The following SLC4A4 variants were observed in gnomAD, a reference collection of about 807,000 sequenced individuals.
SLC4A4 encodes electrogenic sodium bicarbonate cotransporter 1.
Under a neutral mutation model 111.5 loss-of-function variants are expected in SLC4A4, and 27 were observed. The observed-to-expected ratio is 0.24, with a 90% CI of 0.18 to 0.33. The LOEUF is 0.33. Ranked by LOEUF, SLC4A4 falls within the 10% of genes least tolerant of loss-of-function variation. The pLI is 1.00. For synonymous variants in SLC4A4, 443 were observed against 463.4 expected (o/e 0.96, Z 0.57); for missense variants, 909 against 1,315.5 (o/e 0.69, Z 4.78).
rs1737820775 is a variant in SLC4A4 at position 71,570,039 on chromosome 4, G to A, written c.*2288G>A. 2 of 151,442 alleles carry A rather than the reference G, an allele frequency of 1.3e-5. No homozygotes were observed. The highest frequency in any genetic ancestry group is 3.0e-5 in the Non-Finnish European group (2 of 67,718). The allele number at this position is 151,442 out of a possible 1,614,324, so 9.4% of individuals were successfully genotyped here. ...AAGAAGACTTTCCTTTTTTCTTTATGCATGGAAGCATCAATAAATTGTTTA... is the reference window on the plus strand; with the variant it reads ...AAGAAGACTTTCCTTTTTTCTTTATACATGGAAGCATCAATAAATTGTTTA... On this transcript the variant is annotated 3_prime_UTR_variant, in exon 26 of 26. Transcript: ENST00000264485.
At chr4:71,464,744 T>C (rs1469237351) in intron 12 of SLC4A4, among the ~76,000 whole-genome samples, 1 of 152,168 alleles carries the variant, frequency 6.6e-6, no homozygotes, top group East Asian at 1.9e-4. Context: ...GTTTTCTGAA[T>C]TGAATTCCAC....
At chr4:71,302,564 T>TG (rs944867089) in intron 3 of SLC4A4, among the ~76,000 whole-genome samples, 1 of 152,176 alleles carries the variant, frequency 6.6e-6, no homozygotes, top group African/African-American at 2.4e-5. Flanking sequence ...TTGAACCTAA[T>TG]GGGGTTGCCT....
chr4:71,184,910 G>GA (rs746471742), upstream of SLC4A4, among the ~76,000 whole-genome samples: 1 of 152,216 alleles, frequency 6.6e-6, no homozygotes, highest in Non-Finnish European at 1.5e-5. Flanking sequence ...ATCAAGTAAT[G>GA]AAAATGATAA....
At chr4:71,277,546 C>A (rs2149087679) in intron 3 of SLC4A4, among the ~76,000 whole-genome samples, 1 of 149,214 alleles carries the variant, frequency 6.7e-6, no homozygotes, top group Admixed American at 6.7e-5. Flanking sequence ...CTTTTTCTTT[C>A]TTTCTCTTTC....
chr4:71,348,764 T>C (rs1729557297), intron 4 of SLC4A4, among the ~76,000 whole-genome samples: 1 of 152,106 alleles, frequency 6.6e-6, no homozygotes, highest in Non-Finnish European at 1.5e-5. Context: ...TTTTTTCCCC[T>C]CCTCTGGGGG....
chr4:71,068,530 A>G (rs541127219), intron 1 of SLC4A4, among the ~76,000 whole-genome samples: 1 of 150,568 alleles, frequency 6.6e-6, no homozygotes, highest in East Asian at 1.9e-4. Flanking sequence ...ATCACCATAC[A>G]TTAGTTTTGT....
intron 16 of SLC4A4, among the ~76,000 whole-genome samples, chr4:71,498,370 A>G (rs1050975044): frequency 5.3e-5 from 8 of 152,156 alleles, no homozygotes; most frequent in Non-Finnish European, 1.5e-5. Context: ...TTGCCTGCAG[A>G]ATCAAACTAA....
intron 1 of SLC4A4, among the ~76,000 whole-genome samples, chr4:71,064,305 A>T (rs192621987): frequency 1.5e-4 from 23 of 152,306 alleles, no homozygotes; most frequent in Admixed American, 1.4e-3. Flanking sequence ...AAATGAGATA[A>T]TGTAGAAAAG....
At chr4:71,345,339 T>A (rs906178256) in intron 4 of SLC4A4, among the ~76,000 whole-genome samples, 22 of 152,132 alleles carry the variant, frequency 1.4e-4, no homozygotes, top group African/African-American at 5.3e-4. Context: ...CTTTATTCAT[T>A]TGAGTAGGGA....
At position 71,546,505 on chromosome 4, in the gene SLC4A4, A is replaced by G; in HGVS notation, c.2598A>G (p.Glu866=). ...KMETETSAPG[E]QPKFLGVREQ... ...AGACAGAGACTTCTGCACCTGGAGA[A>G]CAACCAAAGTTTCTAGGAGTGAGGT... The change falls in exon 19 of 26, where the codon GAA becomes GAG. Residue 866 remains glutamate (E), a synonymous_variant. Transcript: ENST00000264485. 1 of 1,612,492 alleles carries G rather than the reference A, an allele frequency of 6.2e-7. No individual in the cohort carries two copies. The highest frequency in any genetic ancestry group is 8.5e-7 in the Non-Finnish European group (1 of 1,178,984).
chr4:71,190,308 T>G (rs779112802), intron 1 of SLC4A4, among the ~76,000 whole-genome samples: 4 of 151,958 alleles, frequency 2.6e-5, no homozygotes, highest in Non-Finnish European at 4.4e-5. Context: ...CTTTTTATCC[T>G]CAGTAGTGCA....
rs559564557 is a variant in SLC4A4 at position 71,419,152 on chromosome 4, A to C, written c.808-21464A>C. On this transcript the variant is annotated intron_variant, in intron 7 of 25. Transcript: ENST00000264485. ...TGCTCAGGGGTCAGGGGTCAGGGAC[A>C]CACTTGAGGAGGCAGTCTGCCCGTT... is the stretch of plus-strand genomic sequence containing the variant. Among the ~76,000 whole-genome samples the C allele has an allele frequency of 4.3e-3, 661 of 152,290 alleles. 2 individuals are homozygous for C. Among genetic ancestry groups the C allele is most frequent in the Middle Eastern group, 6.8e-3 (2 of 294 alleles).
chr4:71,424,101 G>T (rs1444419225), intron 7 of SLC4A4, among the ~76,000 whole-genome samples: 1 of 152,026 alleles, frequency 6.6e-6, no homozygotes, highest in Non-Finnish European at 1.5e-5. Flanking sequence ...TTCTGACAAA[G>T]GGCTAATATC....
intron 6 of SLC4A4, among the ~76,000 whole-genome samples, chr4:71,366,986 G>A (rs903702673): frequency 2.0e-5 from 3 of 152,236 alleles, no homozygotes; most frequent in South Asian, 4.1e-4. Flanking sequence ...CACAGGTGCC[G>A]AGTCTCTCTG....
At chr4:71,441,522 G>A (rs1260646818) in intron 8 of SLC4A4, among the ~76,000 whole-genome samples, 1 of 151,990 alleles carries the variant, frequency 6.6e-6, no homozygotes, top group Non-Finnish European at 1.5e-5. Context: ...TTTGGGATGG[G>A]GGGTGGGGGA....
chr4:71,190,730 G>A (rs1334510517), intron 1 of SLC4A4, among the ~76,000 whole-genome samples: 1 of 152,044 alleles, frequency 6.6e-6, no homozygotes, highest in Non-Finnish European at 1.5e-5. Context: ...CCTCAGCCTG[G>A]GCAACATAGG....
intron 1 of SLC4A4, among the ~76,000 whole-genome samples, chr4:71,228,421 A>C (rs1469705997): frequency 6.6e-6 from 1 of 152,236 alleles, no homozygotes; most frequent in African/African-American, 2.4e-5. Flanking sequence ...TTAATACTCT[A>C]TTCTCTGGGC....
At chr4:71,329,877 C>T (rs1288096389) in intron 3 of SLC4A4, among the ~76,000 whole-genome samples, 4 of 152,054 alleles carry the variant, frequency 2.6e-5, no homozygotes, top group African/African-American at 9.7e-5. Context: ...AGTGGGCATC[C>T]TTGTCTTGTT....
chr4:71,380,171 A>G (rs1717974530), intron 6 of SLC4A4, among the ~76,000 whole-genome samples: 1 of 152,190 alleles, frequency 6.6e-6, no homozygotes, highest in South Asian at 2.1e-4. Flanking sequence ...GTAGAATTTG[A>G]GAATTAGATT....
Sources: allele counts gnomAD v4.1 joint callset (sites outside exome capture counted in the v4.1 genomes callset), GRCh38; gene constraint gnomAD v4.1.1; transcripts MANE v1.5; gene names NCBI Gene and HGNC (gene_info 2026-07-23, HGNC 2026-07-21).